GDPD2: variants seen among roughly 807,000 people sequenced by gnomAD.
The protein encoded by GDPD2 is glycerophosphodiester phosphodiesterase 3.
Under a neutral mutation model 49.2 loss-of-function variants are expected in GDPD2, and 23 were observed. The ratio of observed to expected loss-of-function variants is 0.47; its 90% CI spans 0.34 to 0.66. The LOEUF (loss-of-function observed/expected upper bound fraction) is 0.66. Among genes scored for constraint, GDPD2 ranks in the 30% least tolerant of loss-of-function variants. The pLI, the probability that GDPD2 is intolerant of heterozygous loss-of-function variation, is 0.01. For synonymous variants in GDPD2, 167 were observed against 171.4 expected (o/e 0.97, Z 0.20); for missense variants, 338 against 424.7 (o/e 0.80, Z 1.79).
At chrX:70,430,318 GA>G (rs1672925730) in intron 12 of GDPD2, among the ~76,000 whole-genome samples, 1 of 112,411 alleles carries the variant, frequency 8.9e-6, no homozygotes, top group Admixed American at 9.4e-5. Context: ...CATGCATATT[GA>G]AAAGTGAAAA....
At chrX:70,424,532 A>G (rs1255876445) in intron 1 of GDPD2, among the ~76,000 whole-genome samples, 1 of 111,926 alleles carries the variant, frequency 8.9e-6, no homozygotes, top group Non-Finnish European at 1.9e-5. Context: ...AAGCAATTCA[A>G]CATGGGGTTG....
In GDPD2 at chrX:70,433,278, C is replaced by G. The variant is rs1485417010; in HGVS notation, c.*192C>G. 2 of 430,227 alleles carry G rather than the reference C, an allele frequency of 4.6e-6. No homozygotes were observed. The highest frequency in any genetic ancestry group is 8.1e-6 in the Non-Finnish European group (2 of 247,270). The allele number at this position is 430,227 out of a possible 1,213,427, so 35.5% of individuals were successfully genotyped here. A position where few individuals can be genotyped will look rare whatever the true frequency, so the allele number is the denominator to read the frequency against. ...TCCCTAAGCTGCTATGGAATCTGCTCCCTTTGGGGTTTTGACCTGAGATGT... is the reference window on the plus strand; with the variant it reads ...TCCCTAAGCTGCTATGGAATCTGCTGCCTTTGGGGTTTTGACCTGAGATGT... On this transcript the variant is annotated 3_prime_UTR_variant, in exon 16 of 16. Coordinates refer to ENST00000374382, the MANE Select transcript of GDPD2 (RefSeq NM_017711.4).
chrX:70,432,315 A>T lies in GDPD2; in HGVS notation c.1316A>T (p.His439Leu). Residue 439 changes from histidine (H) to leucine (L), a missense_variant, in exon 13 of 16, where the codon CAT (histidine) becomes CTT (leucine). By Grantham distance (99) the His-to-Leu change is moderately conservative. Coordinates refer to ENST00000374382, the MANE Select transcript of GDPD2 (RefSeq NM_017711.4). ...CTTTCCCACCTTCACAGGGCATTGC[A>T]TAAGGATAATGTCTCGGTGAACCTA... ...DLPLLDIKAL[H>L]KDNVSVNLFV... 8.3e-7 allele frequency: 1 copy of T among 1,206,832 alleles called. No individual in the cohort carries two copies. The highest frequency in any genetic ancestry group is 1.1e-6 in the Non-Finnish European group (1 of 891,805).
At chrX:70,432,481 CCTCTT>C in intron 13 of GDPD2, 27 bp downstream of exon 13, 1 of 1,192,323 alleles carries the variant, frequency 8.4e-7, no homozygotes. Flanking sequence ...TGTCACCTCT[CCTCTT>C]CTCCCATCCC....
chrX:70,425,777 G>C lies in GDPD2; in HGVS notation c.224G>C (p.Arg75Pro). Residue 75 changes from arginine (R) to proline (P), a missense_variant, in exon 4 of 16, where the codon CGC (arginine) becomes CCC (proline). Transcript: ENST00000374382. Reference sequence around the variant, plus strand: ...CCCTCCCACAGATTCCTCTTCCGCCGCTGGGGACACTGGATGGACTGGTCC... The same window carrying C: ...CCCTCCCACAGATTCCTCTTCCGCCCCTGGGGACACTGGATGGACTGGTCC... ...LHNFNEFLFRRWGHWMDWSLA... is the reference protein window; with the variant it reads ...LHNFNEFLFRPWGHWMDWSLA... 8.5e-7 allele frequency: 1 copy of C among 1,182,667 alleles called. No homozygotes were observed.
chrX:70,427,790 G>T, intron 10 of GDPD2: 1 of 171,399 alleles, frequency 5.8e-6, no homozygotes, highest in Non-Finnish European at 1.1e-5. Context: ...CTGAAAAAGG[G>T]TGTTTCCAGG....
chrX:70,424,856 C>G, intron 1 of GDPD2, 120 bp from the exon 2 acceptor site: 2 of 470,682 alleles, frequency 4.2e-6, no homozygotes, highest in Non-Finnish European at 7.2e-6. Context: ...CCCGTGACCT[C>G]CGTTGCTGAG....
Position 70,429,676 on chromosome X carries a change from T to C in GDPD2, c.1120T>C (p.Leu374=), listed in dbSNP as rs763760397. 4 of 1,208,832 alleles carry C rather than the reference T, an allele frequency of 3.3e-6. No homozygotes were observed. In the South Asian group the frequency reaches 5.3e-5, roughly 16 times the overall value. The change falls in exon 11 of 16, where the codon TTG becomes CTG. Residue 374 remains leucine (L), a synonymous_variant. Transcript: ENST00000374382. ...CTATGACACTTTTGTGATCCAGACA[T>C]TGGAGACTGTGCTGAATGCAAGGGT... The part of the protein sequence containing the change: ...TYYDTFVIQT[L]ETVLNARVPQ...
In GDPD2 at chrX:70,433,166, C is replaced by A; in HGVS notation, c.*80C>A. 1 of 795,790 alleles carries A rather than the reference C, an allele frequency of 1.3e-6. No individual in the cohort carries two copies. The highest frequency in any genetic ancestry group is 1.9e-6 in the Non-Finnish European group (1 of 532,682). The allele number at this position is 795,790 out of a possible 1,213,427, so 65.6% of individuals were successfully genotyped here. On this transcript the variant is annotated 3_prime_UTR_variant, in exon 16 of 16. Transcript: ENST00000374382. ...GTTGGAGAGTGGCTTAAGTGGAATG[C>A]TTCAGGGGTGGTGGGTTGCAAGTGG...
intron 5 of GDPD2, 43 bp from the exon 6 acceptor site, chrX:70,426,328 G>T (rs749856799): frequency 2.7e-6 from 3 of 1,124,983 alleles, no homozygotes; most frequent in Non-Finnish European, 3.7e-6. Flanking sequence ...CCAACCATGA[G>T]CCCAAATTGA....
Position 70,430,153 on chromosome X carries a change from A to G in GDPD2, c.1307+90A>G, listed in dbSNP as rs2086463172. The G allele has an allele frequency of 4.9e-6, 4 of 810,707 alleles. No homozygotes were observed. In the South Asian group the frequency reaches 1.0e-4, roughly 21 times the overall value. The allele number at this position is 810,707 out of a possible 1,213,427, so 66.8% of individuals were successfully genotyped here. Reference sequence around the variant, plus strand: ...CAGGGAGAGCAAAGCCTCTTGATTCATTCACTCACACAAAAAGTATTTACA... The same window carrying G: ...CAGGGAGAGCAAAGCCTCTTGATTCGTTCACTCACACAAAAAGTATTTACA... On this transcript the variant is annotated intron_variant, in intron 12 of 15. Transcript: ENST00000374382.
Position 70,426,732 on chromosome X carries a change from C to A in GDPD2, c.547C>A (p.His183Asn), listed in dbSNP as rs1479252231. The change falls in exon 7 of 16, where the codon CAC becomes AAC. Residue 183 changes from histidine (H) to asparagine (N), a missense_variant. This residue lies in a region of GDPD2 where 253 missense variants were observed against 330.4 expected (regional missense o/e 0.77). Coordinates refer to ENST00000374382, the MANE Select transcript of GDPD2 (RefSeq NM_017711.4). ...TGTGGCTGATACCTTCTACCGTATC[C>A]ACCGAAGAGGTGCCAACGCTGCTGC... ...WPVADTFYRI[H>N]RRGPKILLLL... is the part of the protein sequence containing the mutation. The A allele has an allele frequency of 1.7e-6, 2 of 1,201,691 alleles. No homozygotes were observed. The highest frequency in any genetic ancestry group is 3.5e-5 in the South Asian group (2 of 56,671).
chrX:70,426,403 G>A lies in GDPD2; in HGVS notation c.396G>A (p.Ala132=), dbSNP rs762919987. The A allele has an allele frequency of 7.2e-5, 87 of 1,210,207 alleles. No individual in the cohort carries two copies. The highest frequency in any genetic ancestry group is 4.6e-4 in the Middle Eastern group (2 of 4,375). The change falls in exon 6 of 16, where the codon GCG becomes GCA. Residue 132 remains alanine, a synonymous_variant. Coordinates refer to ENST00000374382, the MANE Select transcript of GDPD2 (RefSeq NM_017711.4). ...VLLLLIMLLV[A]AGLVGLDIQW... ...TGCTCCTCATTATGCTGCTTGTGGC[G>A]GCTGGCCTTGTGGGACTGGACATCC...
At chrX:70,428,188 T>C (rs2086444227) in intron 10 of GDPD2, among the ~76,000 whole-genome samples, 1 of 111,863 alleles carries the variant, frequency 8.9e-6, no homozygotes, top group African/African-American at 3.3e-5. Context: ...TTGAGATTGA[T>C]ATACATTCAG....
chrX:70,429,771 G>T, intron 11 of GDPD2, 57 bp downstream of exon 11: 1 of 1,074,029 alleles, frequency 9.3e-7, no homozygotes. Flanking sequence ...ATGATGATGA[G>T]GATGATTTTG....
In GDPD2 at chrX:70,427,167, C is replaced by T. The variant is rs752164164; in HGVS notation, c.733C>T (p.Arg245Trp). 6 of 1,205,115 alleles carry T rather than the reference C, an allele frequency of 5.0e-6. No individual in the cohort carries two copies. Among genetic ancestry groups the T allele is most frequent in the Admixed American group, 4.4e-5 (2 of 45,689 alleles). ...LAPENTLMSL[R>W]KTAECGATVF... is the part of the protein sequence containing the mutation. ...TCCCGAGAACACCCTGATGTCCTTG[C>T]GGAAGACAGCTGAATGCGGAGCTAC... Residue 245 changes from arginine (R) to tryptophan (W), a missense_variant, in exon 9 of 16, where the codon CGG becomes TGG. This residue lies in a region of GDPD2 where 253 missense variants were observed against 330.4 expected (regional missense o/e 0.77). Transcript: ENST00000374382.
intron 3 of GDPD2, 69 bp from the exon 4 acceptor site, chrX:70,425,694 C>T (rs2147750703): frequency 1.6e-6 from 1 of 632,686 alleles, no homozygotes; most frequent in Non-Finnish European, 2.7e-6. Context: ...ATCCACCCAC[C>T]CCACCTCCCC....
chrX:70,429,312 G>T (rs1017631361), intron 10 of GDPD2, among the ~76,000 whole-genome samples, 181 bp from the exon 11 acceptor site: 6 of 111,047 alleles, frequency 5.4e-5, no homozygotes, highest in African/African-American at 2.0e-4. Context: ...AAGGGTAGGA[G>T]GTTGAGGTCA....
At position 70,433,182 on chromosome X, in the gene GDPD2, T is replaced by A; in HGVS notation, c.*96T>A. Reference sequence around the variant, plus strand: ...AGTGGAATGCTTCAGGGGTGGTGGGTTGCAAGTGGGGGGAGCTTTGCCAAC... The same window carrying A: ...AGTGGAATGCTTCAGGGGTGGTGGGATGCAAGTGGGGGGAGCTTTGCCAAC... On this transcript the variant is annotated 3_prime_UTR_variant, in exon 16 of 16. Coordinates refer to ENST00000374382, the MANE Select transcript of GDPD2 (RefSeq NM_017711.4). 2.9e-6 allele frequency: 2 copies of A among 697,782 alleles called. No homozygotes were observed. Among genetic ancestry groups the A allele is most frequent in the Admixed American group, 5.3e-5 (2 of 37,713 alleles). 57.5% of individuals were successfully genotyped at this position (697,782 alleles called of 1,213,427 possible). A position where few individuals can be genotyped will look rare whatever the true frequency, so the allele number is the denominator to read the frequency against.
Sources: allele counts gnomAD v4.1 joint callset (sites outside exome capture counted in the v4.1 genomes callset), GRCh38; gene constraint gnomAD v4.1.1; regional missense constraint gnomAD v4.1.1; transcripts MANE v1.5; gene names NCBI Gene and HGNC (gene_info 2026-07-23, HGNC 2026-07-21).